XXYLT1: variants seen among roughly 807,000 people sequenced by gnomAD.
XXYLT1 encodes the protein UDP-xylose:alpha-xyloside alpha-1,3-xylosyltransferase.
In XXYLT1, 20 loss-of-function variants were observed where a neutral mutation model predicts 28.9. That is an observed-to-expected ratio of 0.69 (90% CI 0.49 to 1.00). The LOEUF is 1.00. Ranked by LOEUF, XXYLT1 falls within the 50% of genes least tolerant of loss-of-function variation. The pLI, the probability that XXYLT1 is intolerant of heterozygous loss-of-function variation, is 0.00. For synonymous variants in XXYLT1, 257 were observed against 253.8 expected (o/e 1.01, Z -0.12); for missense variants, 542 against 560.1 (o/e 0.97, Z 0.33).
intron 2 of XXYLT1, among the ~76,000 whole-genome samples, chr3:195,161,777 C>G (rs1720885284): frequency 6.6e-6 from 1 of 151,716 alleles, no homozygotes; most frequent in African/African-American, 2.4e-5. Flanking sequence ...GCCACCATAC[C>G]CGGCTAATTT....
At chr3:195,235,707 T>C (rs1724505829) in intron 1 of XXYLT1, among the ~76,000 whole-genome samples, 1 of 152,084 alleles carries the variant, frequency 6.6e-6, no homozygotes. Flanking sequence ...GTGATCTAAG[T>C]TTTTGGTCAC....
chr3:195,171,725 T>TCTG (rs1345934107), intron 2 of XXYLT1, among the ~76,000 whole-genome samples: 1 of 152,236 alleles, frequency 6.6e-6, no homozygotes, highest in Admixed American at 6.5e-5. Flanking sequence ...TCCCCACAGG[T>TCTG]CTGTATTCAT....
At chr3:195,145,068 A>C (rs1019658033) in intron 3 of XXYLT1, among the ~76,000 whole-genome samples, 7 of 152,230 alleles carry the variant, frequency 4.6e-5, no homozygotes, top group Admixed American at 6.5e-5. Flanking sequence ...AGTCCTGTTC[A>C]CTGCTACCCA....
At chr3:195,270,438 G>T in intron 1 of XXYLT1, 117 bp downstream of exon 1, 1 of 1,335,358 alleles carries the variant, frequency 7.5e-7, no homozygotes, top group South Asian at 1.9e-5. Context: ...TTGCAAGCGG[G>T]CAGCTCAGGG....
intron 3 of XXYLT1, among the ~76,000 whole-genome samples, chr3:195,156,155 A>G (rs1720578976): frequency 6.6e-6 from 1 of 152,232 alleles, no homozygotes; most frequent in Non-Finnish European, 1.5e-5. Context: ...CGTAAGGCAA[A>G]GCCCAAGATT....
intron 2 of XXYLT1, among the ~76,000 whole-genome samples, chr3:195,174,818 T>A (rs777776800): frequency 2.0e-5 from 3 of 151,706 alleles, no homozygotes; most frequent in Non-Finnish European, 4.4e-5. Context: ...GGTCCCACTA[T>A]GTTGCCTGAG....
intron 1 of XXYLT1, among the ~76,000 whole-genome samples, chr3:195,245,349 G>A (rs544577702): frequency 4.8e-4 from 73 of 151,622 alleles, no homozygotes; most frequent in African/African-American, 1.7e-3. Context: ...TAGTAGAGAT[G>A]GGGTTTCACC....
intron 3 of XXYLT1, among the ~76,000 whole-genome samples, chr3:195,117,114 T>TACACACAGAC (rs1553805414): frequency 6.7e-6 from 1 of 148,630 alleles, no homozygotes; most frequent in Admixed American, 6.7e-5. Flanking sequence ...ATATAGTGTA[T>TACACACAGAC]ACACACACAC....
chr3:195,243,238 A>T (rs779589285), intron 1 of XXYLT1, among the ~76,000 whole-genome samples: 12 of 152,202 alleles, frequency 7.9e-5, no homozygotes, highest in Middle Eastern at 6.8e-3. Context: ...GAAGGATAGC[A>T]TTAGGAGATA....
At position 195,076,729 on chromosome 3, in the gene XXYLT1, G is replaced by A. The variant is rs1377992580; in HGVS notation, c.786-6618C>T. On this transcript the variant is annotated intron_variant, in intron 3 of 3. Transcript: ENST00000310380. This position sits in a 1 kb window ranked among gnomAD's most constrained non-coding sequence, Gnocchi z 5.3. The stretch of plus-strand genomic sequence containing the variant: ...CTCCCCTCGCTCCTGGTGGCTTGCT[G>A]GCAGTCTGGGATCCTGGGAGAGGCA... 1.3e-5 allele frequency among the ~76,000 whole-genome samples: 2 copies of A among 152,134 alleles called. No homozygotes were observed. The highest frequency in any genetic ancestry group is 4.8e-5 in the African/African-American group (2 of 41,406).
At position 195,213,601 on chromosome 3, in the gene XXYLT1, C is replaced by T. The variant is rs111356005; in HGVS notation, c.652+13108G>A. Among the ~76,000 whole-genome samples, 988 of 152,300 alleles carry T rather than the reference C, an allele frequency of 6.5e-3. 9 individuals are homozygous for T. The highest frequency in any genetic ancestry group is 0.022 in the African/African-American group (933 of 41,544). ...CTTAAAGTGAGTACTGTGGAAAACC[C>T]GCTCTCAGAATGTGAATAGGTATTC... is the stretch of plus-strand genomic sequence containing the variant. On this transcript the variant is annotated intron_variant, in intron 2 of 3. Transcript: ENST00000310380.
intron 2 of XXYLT1, among the ~76,000 whole-genome samples, chr3:195,197,248 C>A (rs1286317210): frequency 6.6e-6 from 1 of 152,138 alleles, no homozygotes; most frequent in Non-Finnish European, 1.5e-5. Context: ...ACCAGCCTGG[C>A]CAACAAGGCG....
chr3:195,184,180 G>A (rs1186734423), intron 2 of XXYLT1, among the ~76,000 whole-genome samples: 2 of 152,204 alleles, frequency 1.3e-5, no homozygotes, highest in East Asian at 1.9e-4. Context: ...AAGACCACCC[G>A]TGTAAGGCCC....
At position 195,205,951 on chromosome 3, in the gene XXYLT1, G is replaced by A. The variant is rs1043430746; in HGVS notation, c.652+20758C>T. On this transcript the variant is annotated intron_variant, in intron 2 of 3. Transcript: ENST00000310380. ...AAGATGTTACCACTGGGGGAAAGTG[G>A]GTAAAGGATCTCTGTATTGCTTCTT... Among the ~76,000 whole-genome samples, 2 of 152,018 alleles carry A rather than the reference G, an allele frequency of 1.3e-5. 1 individual carries two copies. The highest frequency in any genetic ancestry group is 1.3e-4 in the Admixed American group (2 of 15,250).
intron 3 of XXYLT1, among the ~76,000 whole-genome samples, chr3:195,106,377 C>G (rs564371952): frequency 1.2e-4 from 17 of 143,138 alleles, no homozygotes; most frequent in African/African-American, 5.0e-4. Context: ...GCACTCCCAC[C>G]TAACCCTCAC....
At chr3:195,185,723 C>T (rs936423459) in intron 2 of XXYLT1, among the ~76,000 whole-genome samples, 7 of 151,760 alleles carry the variant, frequency 4.6e-5, no homozygotes, top group Non-Finnish European at 8.8e-5. Flanking sequence ...ACAATGGGGA[C>T]GGCATCTTCA....
At chr3:195,112,568 T>TGC (rs1717809421) in intron 3 of XXYLT1, among the ~76,000 whole-genome samples, 1 of 139,508 alleles carries the variant, frequency 7.2e-6, no homozygotes, top group South Asian at 2.3e-4. Context: ...GATGAAGCAG[T>TGC]GCACACACAC....
In XXYLT1 at chr3:195,120,089, A is replaced by G. The variant is rs185088474; in HGVS notation, c.785+36360T>C. The stretch of plus-strand genomic sequence containing the variant: ...TGCTGTCTCTTTTCTCTCTGAAAAC[A>G]AAAAGCTTAGATTTCTCCTCTGTCT... On this transcript the variant is annotated intron_variant, in intron 3 of 3. Coordinates refer to ENST00000310380, the MANE Select transcript of XXYLT1 (RefSeq NM_152531.5). Among the ~76,000 whole-genome samples, 467 of 152,322 alleles carry G rather than the reference A, an allele frequency of 3.1e-3. 2 individuals are homozygous for G. Among genetic ancestry groups the G allele is most frequent in the African/African-American group, 0.011 (447 of 41,582 alleles).
At chr3:195,230,244 CT>C (rs34786869) in intron 1 of XXYLT1, among the ~76,000 whole-genome samples, 4,736 of 152,162 alleles carry the variant, frequency 0.031, 137 homozygotes, top group East Asian at 0.1. Flanking sequence ...AATTTTTTTC[CT>C]ACAGGGTTGT....
Sources: allele counts gnomAD v4.1 joint callset (sites outside exome capture counted in the v4.1 genomes callset), GRCh38; gene constraint gnomAD v4.1.1; non-coding constraint Gnocchi (gnomAD v3.1); transcripts MANE v1.5; gene names NCBI Gene and HGNC (gene_info 2026-07-23, HGNC 2026-07-21).